The following SPIN1 variants were observed in gnomAD, a reference collection of about 807,000 sequenced individuals.
SPIN1 encodes spindlin 1.
In SPIN1, 3 loss-of-function variants were observed where a neutral mutation model predicts 26.0. The ratio of observed to expected loss-of-function variants is 0.12; its 90% CI spans 0.05 to 0.30. SPIN1 has a LOEUF of 0.30. SPIN1 is among the 10% of genes least tolerant of loss of function. The probability of loss-of-function intolerance (pLI) is 1.00; values close to 1 mark genes in which losing one functional copy is unlikely to be tolerated. For missense variants in SPIN1, 126 were observed against 333.4 expected, an observed-to-expected ratio of 0.38 and a Z score of 4.84; for synonymous variants, 101 against 116.5, an observed-to-expected ratio of 0.87 and a Z score of 0.86.
chr9:88,412,809 T>C (rs1827478186), intron 1 of SPIN1, among the ~76,000 whole-genome samples: 1 of 151,662 alleles, frequency 6.6e-6, no homozygotes, highest in Non-Finnish European at 1.5e-5. Context: ...TCAGCCTCCC[T>C]AGTAGCTGGG....
chr9:88,454,585 C>T (rs1029309536), intron 3 of SPIN1, among the ~76,000 whole-genome samples: 2 of 151,984 alleles, frequency 1.3e-5, no homozygotes, highest in African/African-American at 2.4e-5. Context: ...TAACTTTTTA[C>T]TGTGGGAAAT....
chr9:88,445,678 C>A (rs1828237122), intron 2 of SPIN1, among the ~76,000 whole-genome samples: 1 of 151,428 alleles, frequency 6.6e-6, no homozygotes, highest in Non-Finnish European at 1.5e-5. Context: ...TTACAGACGC[C>A]CACCACTATG....
chr9:88,425,056 C>A (rs1023390835), intron 1 of SPIN1, among the ~76,000 whole-genome samples: 3 of 152,066 alleles, frequency 2.0e-5, no homozygotes, highest in African/African-American at 7.2e-5. Flanking sequence ...CAAATGCAAA[C>A]CATCTTTTTG....
chr9:88,442,938 G>C (rs1323390151), intron 2 of SPIN1, among the ~76,000 whole-genome samples: 1 of 151,732 alleles, frequency 6.6e-6, no homozygotes, highest in African/African-American at 2.4e-5. Flanking sequence ...TGACCAACAT[G>C]GTGAAACCCT....
intron 3 of SPIN1, 88 bp from the exon 4 acceptor site, chr9:88,462,408 A>T: frequency 1.3e-6 from 2 of 1,523,080 alleles, no homozygotes; most frequent in Non-Finnish European, 1.8e-6. Context: ...ACCATCTGTA[A>T]TGAGATCATG....
intron 1 of SPIN1, among the ~76,000 whole-genome samples, chr9:88,396,419 T>C (rs1827060067): frequency 1.3e-5 from 2 of 151,280 alleles, no homozygotes; most frequent in Non-Finnish European, 1.5e-5. Context: ...CTGGCCAACA[T>C]GGTGAAACCC....
At chr9:88,429,591 G>C (rs529283362) in intron 2 of SPIN1, among the ~76,000 whole-genome samples, 46 of 152,330 alleles carry the variant, frequency 3.0e-4, no homozygotes, top group African/African-American at 1.0e-3. Flanking sequence ...CATAGGGCAA[G>C]GCATGCAGGA....
At chr9:88,445,849 G>A (rs1465957930) in intron 2 of SPIN1, among the ~76,000 whole-genome samples, 1 of 152,032 alleles carries the variant, frequency 6.6e-6, no homozygotes, top group African/African-American at 2.4e-5. Flanking sequence ...CCTGAGACCT[G>A]TATGATTCAG....
At chr9:88,419,839 G>A (rs1827638121) in intron 1 of SPIN1, among the ~76,000 whole-genome samples, 1 of 152,234 alleles carries the variant, frequency 6.6e-6, no homozygotes, top group Admixed American at 6.5e-5. Context: ...CACTCATGCT[G>A]AGGTTCCAGA....
chr9:88,440,542 T>A (rs1180283098), intron 2 of SPIN1, among the ~76,000 whole-genome samples: 1 of 152,170 alleles, frequency 6.6e-6, no homozygotes, highest in East Asian at 1.9e-4. Flanking sequence ...TTCTTTCTTT[T>A]CTTTCTCTGT....
chr9:88,435,594 T>C (rs913821929), intron 2 of SPIN1, among the ~76,000 whole-genome samples: 1 of 152,250 alleles, frequency 6.6e-6, no homozygotes, highest in African/African-American at 2.4e-5. Context: ...TGTGCAGTTT[T>C]ATTTGTGATC....
At chr9:88,421,075 T>C (rs1258364624) in intron 1 of SPIN1, among the ~76,000 whole-genome samples, 2 of 152,198 alleles carry the variant, frequency 1.3e-5, no homozygotes, top group African/African-American at 4.8e-5. Context: ...TTGATATTTA[T>C]GTTAACCCTC....
chr9:88,476,733 A>G lies in SPIN1; in HGVS notation c.*1456A>G, dbSNP rs1369570637. 6.6e-6 allele frequency: 1 copy of G among 152,196 alleles called. No homozygotes were observed. The highest frequency in any genetic ancestry group is 2.4e-5 in the African/African-American group (1 of 41,438). 9.4% of individuals were successfully genotyped at this position (152,196 alleles called of 1,614,324 possible). A position where few individuals can be genotyped will look rare whatever the true frequency, so the allele number is the denominator to read the frequency against. On this transcript the variant is annotated 3_prime_UTR_variant, in exon 6 of 6. Transcript: ENST00000375859. ...GTTGATCAGCAAAACAGCTGCTCTCATTTTGTTTTGGAGGAACCCTGGTGG... is the reference window on the plus strand; with the variant it reads ...GTTGATCAGCAAAACAGCTGCTCTCGTTTTGTTTTGGAGGAACCCTGGTGG...
At chr9:88,439,264 G>A (rs1332193890) in intron 2 of SPIN1, among the ~76,000 whole-genome samples, 1 of 152,016 alleles carries the variant, frequency 6.6e-6, no homozygotes, top group Non-Finnish European at 1.5e-5. Context: ...GTGTGAATTC[G>A]TGTAAGAGAA....
At chr9:88,454,219 C>T (rs1311247459) in intron 3 of SPIN1, among the ~76,000 whole-genome samples, 2 of 151,914 alleles carry the variant, frequency 1.3e-5, no homozygotes, top group African/African-American at 2.4e-5. Context: ...AGACTCTTTC[C>T]CAAGAAAATA....
intron 1 of SPIN1, among the ~76,000 whole-genome samples, chr9:88,391,175 A>T (rs1404774410): frequency 6.6e-6 from 1 of 152,170 alleles, no homozygotes; most frequent in Non-Finnish European, 1.5e-5. Flanking sequence ...AAGTTACTCA[A>T]ATACATTCAA....
At position 88,473,307 on chromosome 9, in the gene SPIN1, C is replaced by T. The variant is rs1158334309; in HGVS notation, c.590-1771C>T. ...ACTCGGGAGGCTGAAGCAGAAGAAT[C>T]ACTTGAACCCGGGAGGCAGAAGTTG... On this transcript the variant is annotated intron_variant, in intron 5 of 5. Transcript: ENST00000375859. Among the ~76,000 whole-genome samples, 5 of 152,182 alleles carry T rather than the reference C, an allele frequency of 3.3e-5. No individual in the cohort carries two copies. In the East Asian group the frequency reaches 7.7e-4, roughly 24 times the overall value.
chr9:88,426,439 G>C lies in SPIN1; in HGVS notation c.-101G>C. ...TCGTAAAAGAGACACTTGGATGGTG[G>C]ATTAACCAGAACACTAACATTCTGT... On this transcript the variant is annotated 5_prime_UTR_variant, in exon 2 of 6. Transcript: ENST00000375859. 1 of 900,742 alleles carries C rather than the reference G, an allele frequency of 1.1e-6. No individual in the cohort carries two copies. Among genetic ancestry groups the C allele is most frequent in the Non-Finnish European group, 1.8e-6 (1 of 569,340 alleles). 55.8% of individuals were successfully genotyped at this position (900,742 alleles called of 1,614,324 possible).
chr9:88,415,533 A>C (rs1216181191), intron 1 of SPIN1: 1 of 152,040 alleles, frequency 6.6e-6, no homozygotes, highest in Non-Finnish European at 1.5e-5. Context: ...CTCCCACCCC[A>C]GCCTCCCAGT....
Sources: allele counts gnomAD v4.1 joint callset (sites outside exome capture counted in the v4.1 genomes callset), GRCh38; gene constraint gnomAD v4.1.1; transcripts MANE v1.5; gene names NCBI Gene and HGNC (gene_info 2026-07-23, HGNC 2026-07-21).